Variants in MYO3B observed in about 807,000 individuals in gnomAD.
MYO3B encodes the protein myosin IIIB, also known as myosin-IIIb.
In MYO3B, 156 loss-of-function variants were observed where a neutral mutation model predicts 174.6. The observed-to-expected ratio is 0.89, with a 90% CI of 0.78 to 1.02. MYO3B has a LOEUF of 1.02. MYO3B is among the 50% of genes least tolerant of loss of function. The pLI is 0.00. For synonymous variants in MYO3B, 563 were observed against 569.1 expected, an observed-to-expected ratio of 0.99 and a Z score of 0.15; for missense variants, 1,632 against 1,639.4, an observed-to-expected ratio of 1.00 and a Z score of 0.08.
intron 7 of MYO3B, among the ~76,000 whole-genome samples, chr2:170,271,577 G>A (rs541171349): frequency 1.4e-4 from 22 of 152,222 alleles, no homozygotes; most frequent in African/African-American, 5.1e-4. Context: ...GTGGAATCTG[G>A]CCCAGTGCAT....
chr2:170,521,558 C>T (rs145916818), intron 30 of MYO3B, among the ~76,000 whole-genome samples: 2 of 152,266 alleles, frequency 1.3e-5, no homozygotes, highest in East Asian at 3.9e-4. Flanking sequence ...TCCTTATCTT[C>T]GGCTGTCCTT....
At chr2:170,247,027 G>A (rs1244324711) in intron 7 of MYO3B, among the ~76,000 whole-genome samples, 1 of 152,128 alleles carries the variant, frequency 6.6e-6, no homozygotes, top group African/African-American at 2.4e-5. Flanking sequence ...GATAGGAAGT[G>A]GGTACATGAG....
chr2:170,386,180 C>T lies in MYO3B; in HGVS notation c.1291-9C>T, dbSNP rs539572480. ...AATTCTTCACTTGACGCTCCATTTT[C>T]TGTGCCAGTGCATTGTCATCAGCGG... On this transcript the variant is annotated splice_polypyrimidine_tract_variant and intron_variant, in intron 12 of 34. Coordinates refer to ENST00000408978, the MANE Select transcript of MYO3B (RefSeq NM_138995.5). The T allele has an allele frequency of 1.9e-6, 3 of 1,612,576 alleles. No individual in the cohort carries two copies. The highest frequency in any genetic ancestry group is 1.7e-5 in the Admixed American group (1 of 59,886).
At chr2:170,288,704 C>CT (rs1400092508) in intron 7 of MYO3B, among the ~76,000 whole-genome samples, 1 of 151,954 alleles carries the variant, frequency 6.6e-6, no homozygotes, top group Non-Finnish European at 1.5e-5. Context: ...TTTAGATGCC[C>CT]TTTTTTTCGT....
At chr2:170,273,119 A>G (rs1053061524) in intron 7 of MYO3B, among the ~76,000 whole-genome samples, 1 of 152,108 alleles carries the variant, frequency 6.6e-6, no homozygotes, top group African/African-American at 2.4e-5. Context: ...TCAAAAGTGG[A>G]TCTCCAGGAA....
chr2:170,277,944 A>G (rs1403221744), intron 7 of MYO3B, among the ~76,000 whole-genome samples: 3 of 152,220 alleles, frequency 2.0e-5, no homozygotes, highest in Non-Finnish European at 2.9e-5. Context: ...ACTTTTCTAT[A>G]TATCAGCTTT....
At chr2:170,370,624 T>TACACACACAC (rs55790344) in intron 9 of MYO3B, among the ~76,000 whole-genome samples, 18 of 129,544 alleles carry the variant, frequency 1.4e-4, no homozygotes, top group South Asian at 5.6e-4. Context: ...ACCACCCACC[T>TACACACACAC]ACACACACAC....
intron 8 of MYO3B, among the ~76,000 whole-genome samples, chr2:170,360,912 A>G (rs2094155821): frequency 6.6e-6 from 1 of 152,232 alleles, no homozygotes. Flanking sequence ...CTCAGCCGTC[A>G]GAACTGTGAG....
At chr2:170,217,072 A>G (rs1478439878) in intron 5 of MYO3B, among the ~76,000 whole-genome samples, 3 of 152,070 alleles carry the variant, frequency 2.0e-5, no homozygotes, top group Non-Finnish European at 4.4e-5. Flanking sequence ...GTGACGTGAA[A>G]ATTATATGAA....
intron 22 of MYO3B, among the ~76,000 whole-genome samples, chr2:170,437,375 CCCCTTCT>C (rs2105897903): frequency 6.6e-6 from 1 of 152,160 alleles, no homozygotes; most frequent in South Asian, 2.1e-4. Context: ...TAGCCCCCAC[CCCCTTCT>C]CCCTTGAAGC....
intron 3 of MYO3B, among the ~76,000 whole-genome samples, chr2:170,210,194 C>T (rs991221728): frequency 6.6e-6 from 1 of 152,128 alleles, no homozygotes; most frequent in Non-Finnish European, 1.5e-5. Context: ...TATTTCAATG[C>T]TCAATTTACA....
intron 32 of MYO3B, among the ~76,000 whole-genome samples, chr2:170,616,709 C>A (rs1245785728): frequency 2.0e-5 from 3 of 152,154 alleles, no homozygotes; most frequent in Non-Finnish European, 4.4e-5. Context: ...ATAGTGGATC[C>A]TCCCAAAGAT....
At position 170,219,996 on chromosome 2, in the gene MYO3B, T is replaced by C. The variant is rs377141030; in HGVS notation, c.603+2601T>C. 1.5e-3 allele frequency among the ~76,000 whole-genome samples: 229 copies of C among 152,322 alleles called. 2 individuals carry two copies. The Middle Eastern group carries it at 0.02, about 14-fold the overall frequency. ...GTTTGTGGCCGGGTGTGGTGGCTCA[T>C]ACCTGTAATCCCAGCACTTTGGGAG... On this transcript the variant is annotated intron_variant, in intron 6 of 34. Transcript: ENST00000408978.
intron 28 of MYO3B, among the ~76,000 whole-genome samples, chr2:170,504,534 A>G (rs1051585058): frequency 6.6e-6 from 1 of 152,226 alleles, no homozygotes. Context: ...TACCAGAAAC[A>G]AGATGCCTTT....
At chr2:170,599,708 A>G (rs566302278) in intron 32 of MYO3B, among the ~76,000 whole-genome samples, 5 of 152,306 alleles carry the variant, frequency 3.3e-5, no homozygotes, top group African/African-American at 4.8e-5. Flanking sequence ...AGATTGTGCC[A>G]CTGCACTCTA....
intron 32 of MYO3B, among the ~76,000 whole-genome samples, chr2:170,648,678 A>ATG (rs1698577791): frequency 3.7e-5 from 5 of 135,174 alleles, no homozygotes; most frequent in African/African-American, 5.6e-5. Flanking sequence ...TCTATATAAT[A>ATG]TATATTATAT....
intron 7 of MYO3B, among the ~76,000 whole-genome samples, chr2:170,271,913 G>A (rs1015009923): frequency 6.6e-6 from 1 of 151,856 alleles, no homozygotes; most frequent in Admixed American, 6.6e-5. Flanking sequence ...AGGTTTTAGT[G>A]GCCTATTTGT....
chr2:170,226,284 G>A (rs1007162884), intron 6 of MYO3B, among the ~76,000 whole-genome samples: 2 of 152,214 alleles, frequency 1.3e-5, no homozygotes, highest in East Asian at 3.8e-4. Flanking sequence ...TGAAAGACCT[G>A]CCTACCTTCT....
intron 22 of MYO3B, among the ~76,000 whole-genome samples, chr2:170,432,162 G>A (rs1338998552): frequency 6.6e-6 from 1 of 151,920 alleles, no homozygotes; most frequent in Non-Finnish European, 1.5e-5. Context: ...TTTTTTTTAA[G>A]TTAACTATAA....
Sources: allele counts gnomAD v4.1 joint callset (sites outside exome capture counted in the v4.1 genomes callset), GRCh38; gene constraint gnomAD v4.1.1; transcripts MANE v1.5; gene names NCBI Gene and HGNC (gene_info 2026-07-23, HGNC 2026-07-21).